The following AGMO variants were observed in gnomAD, a reference collection of about 807,000 sequenced individuals.
The protein encoded by AGMO is glyceryl-ether monooxygenase.
Under a neutral mutation model 60.2 loss-of-function variants are expected in AGMO, and 75 were observed. The observed-to-expected ratio is 1.25, with a 90% CI of 1.03 to 1.51. The LOEUF is 1.51. Ranked by LOEUF, AGMO falls within the 40% of genes most tolerant of loss-of-function variation. AGMO has a pLI of 0.00. For missense variants in AGMO, 763 were observed against 525.5 expected, an observed-to-expected ratio of 1.45 and a Z score of -4.42; for synonymous variants, 261 against 177.1, an observed-to-expected ratio of 1.47 and a Z score of -3.76.
intron 5 of AGMO, among the ~76,000 whole-genome samples, chr7:15,407,480 T>C (rs977233315): frequency 6.6e-6 from 1 of 151,252 alleles, no homozygotes; most frequent in East Asian, 1.9e-4. Context: ...TTCAGAGAAA[T>C]GGAAGCAAAG....
chr7:15,458,363 A>C (rs909894198), intron 3 of AGMO, among the ~76,000 whole-genome samples: 1 of 152,196 alleles, frequency 6.6e-6, no homozygotes, highest in African/African-American at 2.4e-5. Context: ...TTAATTCATA[A>C]TGTGCAGGAG....
chr7:15,213,111 C>A (rs1042127134), intron 12 of AGMO, among the ~76,000 whole-genome samples: 6 of 151,658 alleles, frequency 4.0e-5, no homozygotes, highest in Non-Finnish European at 7.4e-5. Context: ...AAAAATAGAT[C>A]TTTTTTAAAA....
chr7:15,458,384 T>A lies in AGMO; in HGVS notation c.410-27276A>T, dbSNP rs1247247923. On this transcript the variant is annotated intron_variant, in intron 3 of 12. Transcript: ENST00000342526. The stretch of plus-strand genomic sequence containing the variant: ...CATAATGTGCAGGAGTATTTTTAGA[T>A]GGCACTGACAGTTTGCATGAAGCTT... Among the ~76,000 whole-genome samples the A allele has an allele frequency of 2.0e-5, 3 of 152,294 alleles. No homozygotes were observed. In the East Asian group the frequency reaches 5.8e-4, roughly 29 times the overall value.
chr7:15,542,983 A>G (rs151113796), intron 3 of AGMO, among the ~76,000 whole-genome samples: 1 of 152,330 alleles, frequency 6.6e-6, no homozygotes, highest in East Asian at 1.9e-4. Flanking sequence ...AGCCTTGAGC[A>G]TAACACAAAT....
chr7:15,179,339 C>T, the AGMO span, among the ~76,000 whole-genome samples: 1 of 152,078 alleles, frequency 6.6e-6, no homozygotes, highest in Non-Finnish European at 1.5e-5. Flanking sequence ...CAGCTGTGAG[C>T]CTGTGAAATC....
chr7:15,318,005 CAT>C (rs1229139659), intron 12 of AGMO, among the ~76,000 whole-genome samples: 4 of 128,630 alleles, frequency 3.1e-5, no homozygotes, highest in South Asian at 2.5e-4. Context: ...TATATATATA[CAT>C]ATATTTTTTT....
chr7:15,533,598 G>C (rs1200463166), intron 3 of AGMO, among the ~76,000 whole-genome samples: 1 of 151,998 alleles, frequency 6.6e-6, no homozygotes, highest in African/African-American at 2.4e-5. Context: ...CTTTTACTTA[G>C]AGTCAGATTT....
At chr7:15,526,950 A>G (rs541118137) in intron 3 of AGMO, among the ~76,000 whole-genome samples, 2 of 152,278 alleles carry the variant, frequency 1.3e-5, no homozygotes, top group East Asian at 1.9e-4. Context: ...CTATGTTGCC[A>G]TTAAGTTAAT....
At chr7:15,343,579 A>G (rs1281089877) in intron 12 of AGMO, among the ~76,000 whole-genome samples, 1 of 152,174 alleles carries the variant, frequency 6.6e-6, no homozygotes, top group East Asian at 1.9e-4. Context: ...AATTTGAAAG[A>G]TCAAATTACA....
chr7:15,194,341 C>G, the AGMO span, among the ~76,000 whole-genome samples: 2 of 151,356 alleles, frequency 1.3e-5, no homozygotes, highest in Non-Finnish European at 2.9e-5. Flanking sequence ...TTTGTTTGTG[C>G]ACAAGGTAAT....
At chr7:15,279,925 C>T (rs563674702) in intron 12 of AGMO, among the ~76,000 whole-genome samples, 6 of 152,122 alleles carry the variant, frequency 3.9e-5, no homozygotes, top group Non-Finnish European at 7.4e-5. Flanking sequence ...CAGCATGGAC[C>T]GAGGGAAGTT....
At chr7:15,529,727 CTATATATATTCTATATATATATTTCTA>C (rs1366743268) in intron 3 of AGMO, among the ~76,000 whole-genome samples, 8 of 81,090 alleles carry the variant, frequency 9.9e-5, no homozygotes, top group Non-Finnish European at 1.6e-4. Context: ...ACTATATACT[CTATATATATTCTATATATATATTTCTA>C]TATATATATT....
At chr7:15,178,342 C>A in the AGMO span, among the ~76,000 whole-genome samples, 45 of 152,216 alleles carry the variant, frequency 3.0e-4, no homozygotes, top group Non-Finnish European at 5.1e-4. Context: ...GTCTCTCAGG[C>A]CTTTGAAGGC....
the AGMO span, among the ~76,000 whole-genome samples, chr7:15,136,393 C>A: frequency 1.3e-5 from 2 of 152,318 alleles, no homozygotes; most frequent in African/African-American, 4.8e-5. Context: ...TAATTACTGT[C>A]AGCTGCACTA....
At chr7:15,488,387 C>T (rs563635277) in intron 3 of AGMO, among the ~76,000 whole-genome samples, 4 of 152,260 alleles carry the variant, frequency 2.6e-5, no homozygotes, top group Admixed American at 6.5e-5. Context: ...TTTTGTCTTT[C>T]AGAGAAACAC....
intron 3 of AGMO, among the ~76,000 whole-genome samples, chr7:15,511,574 G>A (rs753862043): frequency 8.4e-4 from 128 of 152,094 alleles, no homozygotes; most frequent in Non-Finnish European, 1.5e-3. Flanking sequence ...GTACAGCCTG[G>A]TGACTATAGA....
the AGMO span, among the ~76,000 whole-genome samples, chr7:15,146,915 G>A: frequency 6.6e-6 from 1 of 152,158 alleles, no homozygotes. Context: ...ACAGTAATGA[G>A]TTTCAGTGTG....
At chr7:15,544,426 C>T (rs1002075743) in intron 3 of AGMO, among the ~76,000 whole-genome samples, 4 of 152,036 alleles carry the variant, frequency 2.6e-5, no homozygotes, top group Admixed American at 2.0e-4. Context: ...ATGTTAGGAC[C>T]TTGTTTGGGT....
intron 12 of AGMO, among the ~76,000 whole-genome samples, chr7:15,348,538 A>G (rs150736532): frequency 7.9e-4 from 121 of 152,232 alleles, no homozygotes; most frequent in African/African-American, 2.9e-3. Context: ...ATAATTATTC[A>G]GCAACATTTC....
Sources: gnomAD v4.1 joint callset for allele counts (sites outside exome capture counted in the v4.1 genomes callset) on GRCh38, gnomAD v4.1.1 for gene constraint, MANE v1.5 for transcripts, NCBI Gene and HGNC (gene_info 2026-07-23, HGNC 2026-07-21) for gene names.